The following SMAD4 variants were observed in gnomAD, a reference collection of about 807,000 sequenced individuals.
SMAD4 encodes the protein SMAD family member 4.
A neutral mutation model predicts 63.2 loss-of-function variants in SMAD4; 7 were observed. The observed-to-expected ratio is 0.11, with a 90% CI of 0.06 to 0.21. The LOEUF (loss-of-function observed/expected upper bound fraction) is 0.21, where lower values mean the gene tolerates loss of function less well. Ranked by LOEUF, SMAD4 falls within the 10% of genes least tolerant of loss-of-function variation. The pLI is 1.00. For synonymous variants in SMAD4, 215 were observed against 235.4 expected (o/e 0.91, Z 0.79); for missense variants, 312 against 693.8 (o/e 0.45, Z 6.18).
intron 1 of SMAD4, among the ~76,000 whole-genome samples, chr18:51,032,389 A>G (rs1909077022): frequency 6.6e-6 from 1 of 152,204 alleles, no homozygotes; most frequent in Non-Finnish European, 1.5e-5. Context: ...ACTTAATGAA[A>G]ATTTGTGCCG....
chr18:51,081,336 A>AG lies in SMAD4; in HGVS notation c.*2870dup. On this transcript the variant is annotated 3_prime_UTR_variant, in exon 12 of 12. Coordinates refer to ENST00000342988, the MANE Select transcript of SMAD4 (RefSeq NM_005359.6). ...ATTCCATGTTTGTCCAGTGCCTTTC[A>AG]GTGCATTATCAAAGGGAATCCTTCA... is the stretch of plus-strand genomic sequence containing the variant. 4.4e-6 allele frequency: 1 copy of AG among 229,072 alleles called. No individual in the cohort carries two copies. Among genetic ancestry groups the AG allele is most frequent in the East Asian group, 6.2e-5 (1 of 16,014 alleles). 14.2% of individuals were successfully genotyped at this position (229,072 alleles called of 1,614,324 possible).
intron 5 of SMAD4, among the ~76,000 whole-genome samples, chr18:51,056,714 G>C (rs1249906004): frequency 6.6e-6 from 1 of 151,632 alleles, no homozygotes; most frequent in Non-Finnish European, 1.5e-5. Flanking sequence ...GATTTGAAAG[G>C]CTATTTTACG....
At chr18:51,060,909 A>T (rs769239391) in intron 8 of SMAD4, among the ~76,000 whole-genome samples, 5 of 151,468 alleles carry the variant, frequency 3.3e-5, no homozygotes, top group Non-Finnish European at 5.9e-5. Context: ...TTATTTATTT[A>T]TTTATTTTTT....
At chr18:51,072,264 G>A (rs1910337280) in intron 10 of SMAD4, among the ~76,000 whole-genome samples, 1 of 152,154 alleles carries the variant, frequency 6.6e-6, no homozygotes, top group Non-Finnish European at 1.5e-5. Flanking sequence ...CTTGTTATCT[G>A]TCTTTTTTAT....
intron 9 of SMAD4, among the ~76,000 whole-genome samples, chr18:51,066,365 TTATA>T: frequency 6.6e-6 from 1 of 151,856 alleles, no homozygotes; most frequent in South Asian, 2.1e-4. Flanking sequence ...AAAAAAAAGT[TTATA>T]TAATGAAATG....
intron 2 of SMAD4, among the ~76,000 whole-genome samples, chr18:51,048,035 A>G (rs571665984): frequency 2.6e-5 from 4 of 152,372 alleles, no homozygotes; most frequent in African/African-American, 9.6e-5. Context: ...TTTTTCAGGT[A>G]GAACTTCATA....
At chr18:51,069,457 T>C (rs1450151852) in intron 10 of SMAD4, among the ~76,000 whole-genome samples, 1 of 152,186 alleles carries the variant, frequency 6.6e-6, no homozygotes, top group African/African-American at 2.4e-5. Flanking sequence ...CTTATATGTT[T>C]TGTAGTCCAT....
intron 5 of SMAD4, among the ~76,000 whole-genome samples, chr18:51,056,201 T>C (rs1909840292): frequency 1.3e-5 from 2 of 152,108 alleles, no homozygotes; most frequent in Admixed American, 6.5e-5. Flanking sequence ...TAAAAGAAGG[T>C]ACATTATAGC....
At chr18:51,076,880 T>TG (rs1910486832) in intron 11 of SMAD4, 104 bp downstream of exon 11, 1 of 879,306 alleles carries the variant, frequency 1.1e-6, no homozygotes, top group African/African-American at 1.7e-5. Context: ...AATTAAAGTT[T>TG]TTTTTTACTG....
chr18:51,034,417 T>G (rs1243561723), intron 1 of SMAD4, among the ~76,000 whole-genome samples: 2 of 152,116 alleles, frequency 1.3e-5, no homozygotes, highest in African/African-American at 4.8e-5. Context: ...AAGCTAATTT[T>G]TTTGTATTAT....
chr18:51,041,471 CG>C (rs1187653098), intron 1 of SMAD4, among the ~76,000 whole-genome samples: 23 of 152,164 alleles, frequency 1.5e-4, no homozygotes, highest in Admixed American at 1.4e-3. Flanking sequence ...ATTTATTTTG[CG>C]TGTTGTCCAG....
chr18:51,064,099 G>C (rs1235758299), intron 8 of SMAD4, among the ~76,000 whole-genome samples: 1 of 151,032 alleles, frequency 6.6e-6, no homozygotes, highest in Non-Finnish European at 1.5e-5. Context: ...GTCATTCTAA[G>C]TAACTTTGTT....
At chr18:51,040,984 C>G (rs1038937294) in intron 1 of SMAD4, among the ~76,000 whole-genome samples, 2 of 152,124 alleles carry the variant, frequency 1.3e-5, no homozygotes, top group African/African-American at 4.8e-5. Context: ...ATTTGTCCCC[C>G]CTTTTTCACC....
At chr18:51,054,723 T>A (rs1909792745) in intron 4 of SMAD4, 58 bp from the exon 5 acceptor site, 1 of 1,218,708 alleles carries the variant, frequency 8.2e-7, no homozygotes, top group Non-Finnish European at 1.2e-6. Context: ...TAATAAGATT[T>A]TTTTTTCTGG....
At chr18:51,035,556 GTCT>G (rs1459380111) in intron 1 of SMAD4, among the ~76,000 whole-genome samples, 1 of 152,182 alleles carries the variant, frequency 6.6e-6, no homozygotes, top group Non-Finnish European at 1.5e-5. Flanking sequence ...AATGCAAATT[GTCT>G]TCTTAGGGCG....
intron 5 of SMAD4, among the ~76,000 whole-genome samples, chr18:51,055,233 G>T (rs1409962895): frequency 6.6e-6 from 1 of 152,146 alleles, no homozygotes; most frequent in Non-Finnish European, 1.5e-5. Flanking sequence ...ACATGTAGCA[G>T]TAAGTAGCCT....
At chr18:51,051,837 G>A (rs923085408) in intron 4 of SMAD4, among the ~76,000 whole-genome samples, 10 of 151,070 alleles carry the variant, frequency 6.6e-5, no homozygotes, top group African/African-American at 2.0e-4. Flanking sequence ...ACGGAGTTTC[G>A]CTCTTGTTGC....
chr18:51,043,194 A>G (rs191655564), intron 1 of SMAD4, among the ~76,000 whole-genome samples: 2 of 152,358 alleles, frequency 1.3e-5, no homozygotes, highest in African/African-American at 2.4e-5. Context: ...TGTTGGAAAA[A>G]AAATGGGATG....
At chr18:51,042,676 A>G (rs1909427419) in intron 1 of SMAD4, among the ~76,000 whole-genome samples, 1 of 151,902 alleles carries the variant, frequency 6.6e-6, no homozygotes, top group Admixed American at 6.6e-5. Context: ...GATTACAGGC[A>G]TGAGCCACTG....
Sources: gnomAD v4.1 joint callset for allele counts (sites outside exome capture counted in the v4.1 genomes callset) on GRCh38, gnomAD v4.1.1 for gene constraint, MANE v1.5 for transcripts, NCBI Gene and HGNC (gene_info 2026-07-23, HGNC 2026-07-21) for gene names.